Variants in UPF2 observed in about 807,000 individuals in gnomAD.
The protein encoded by UPF2 is regulator of nonsense transcripts 2.
A neutral mutation model predicts 141.4 loss-of-function variants in UPF2; 17 were observed. The observed-to-expected ratio is 0.12, with a 90% CI of 0.08 to 0.18. UPF2 has a LOEUF of 0.18. Among genes scored for constraint, UPF2 ranks in the 10% least tolerant of loss-of-function variants. The pLI, the probability that UPF2 is intolerant of heterozygous loss-of-function variation, is 1.00. For missense variants in UPF2, 1,152 were observed against 1,515.9 expected (o/e 0.76, Z 3.99); for synonymous variants, 540 against 498.0 (o/e 1.08, Z -1.12).
chr10:11,976,703 G>A (rs983031610), intron 9 of UPF2, among the ~76,000 whole-genome samples: 1 of 152,026 alleles, frequency 6.6e-6, no homozygotes, highest in African/African-American at 2.4e-5. Flanking sequence ...GCTGAAGGAA[G>A]AAAGCTGAGC....
intron 9 of UPF2, among the ~76,000 whole-genome samples, chr10:11,969,046 G>C (rs1229266824): frequency 6.6e-6 from 1 of 151,996 alleles, no homozygotes; most frequent in Non-Finnish European, 1.5e-5. Flanking sequence ...ATTTTTAGTA[G>C]AGATGGGGTT....
chr10:11,998,939 C>G lies in UPF2; in HGVS notation c.1758+967G>C, dbSNP rs933300700. Among the ~76,000 whole-genome samples, 3 of 150,096 alleles carry G rather than the reference C, an allele frequency of 2.0e-5. No individual in the cohort carries two copies. The Admixed American group carries it at 2.0e-4, about 10-fold the overall frequency. ...ACTCAGGAGGCTGAGGCAGGAGAAT[C>G]ACTTGAATCTGGGAGACAAAGGTTG... On this transcript the variant is annotated intron_variant, in intron 7 of 21. Transcript: ENST00000357604. This position sits in a 1 kb window ranked among gnomAD's most constrained non-coding sequence, Gnocchi z 4.5.
Position 12,014,272 on chromosome 10 carries a change from T to A in UPF2, c.1146-88A>T. On this transcript the variant is annotated intron_variant, in intron 3 of 21. Transcript: ENST00000357604. This position sits in a 1 kb window ranked among gnomAD's most constrained non-coding sequence, Gnocchi z 5.0. ...TATGGGAAACATTCCATAATTTGATTTTCTCATACAAATTTAGTAAAATCT... is the reference window on the plus strand; with the variant it reads ...TATGGGAAACATTCCATAATTTGATATTCTCATACAAATTTAGTAAAATCT... The A allele has an allele frequency of 2.4e-6, 3 of 1,226,040 alleles. No individual in the cohort carries two copies. Among genetic ancestry groups the A allele is most frequent in the East Asian group, 5.8e-5 (2 of 34,578 alleles). 75.9% of individuals were successfully genotyped at this position (1,226,040 alleles called of 1,614,324 possible). A position where few individuals can be genotyped will look rare whatever the true frequency, so the allele number is the denominator to read the frequency against.
At chr10:12,031,102 A>T (rs1834514028) in intron 2 of UPF2, among the ~76,000 whole-genome samples, 1 of 138,522 alleles carries the variant, frequency 7.2e-6, no homozygotes, top group South Asian at 2.4e-4. Context: ...TGAACCCGGG[A>T]GGCGGAGCTT....
chr10:11,977,264 T>C (rs1354742674), intron 9 of UPF2, among the ~76,000 whole-genome samples: 1 of 152,168 alleles, frequency 6.6e-6, no homozygotes, highest in African/African-American at 2.4e-5. Flanking sequence ...GATTTAAGGA[T>C]GTGAGTGGTG....
rs1034084141 is a variant in UPF2, at chr10:11,956,227, C to T, written c.2574+93G>A. ...CAGCTTTTTCTAACTAATAAATTTA[C>T]AGATTCCTATAACTTGAGTCTCAAT... On this transcript the variant is annotated intron_variant, in intron 13 of 21. Transcript: ENST00000357604. This position sits in a 1 kb window ranked among gnomAD's most constrained non-coding sequence, Gnocchi z 4.2. 30 of 1,116,990 alleles carry T rather than the reference C, an allele frequency of 2.7e-5. No homozygotes were observed. The highest frequency in any genetic ancestry group is 3.8e-5 in the Non-Finnish European group (29 of 768,854). 69.2% of individuals were successfully genotyped at this position (1,116,990 alleles called of 1,614,324 possible).
At chr10:12,023,084 C>T (rs1834346566) in intron 3 of UPF2, among the ~76,000 whole-genome samples, 1 of 152,124 alleles carries the variant, frequency 6.6e-6, no homozygotes, top group South Asian at 2.1e-4. Context: ...TACCTGAATT[C>T]ATGATTTCAC....
At position 12,033,629 on chromosome 10, in the gene UPF2, A is replaced by T. The variant is rs76646023; in HGVS notation, c.365+1430T>A. Among the ~76,000 whole-genome samples the T allele has an allele frequency of 9.7e-3, 1,473 of 152,350 alleles. 23 individuals are homozygous for T. Among genetic ancestry groups the T allele is most frequent in the African/African-American group, 0.033 (1,388 of 41,574 alleles). On this transcript the variant is annotated intron_variant, in intron 2 of 21. Transcript: ENST00000357604. The stretch of plus-strand genomic sequence containing the variant: ...AAGCCTCATTTTAGAGATCAATAAA[A>T]TGAGGCTTAAAAAGGGTAAGTTGCC...
At chr10:11,942,877 T>G in intron 17 of UPF2, 114 bp from the exon 18 acceptor site, 1 of 946,912 alleles carries the variant, frequency 1.1e-6, no homozygotes, top group East Asian at 2.5e-5. Context: ...GTAAAGTGAG[T>G]AAAATATCTA....
At chr10:12,004,980 T>C (rs1039102864) in intron 4 of UPF2, among the ~76,000 whole-genome samples, 36 of 152,266 alleles carry the variant, frequency 2.4e-4, no homozygotes, top group African/African-American at 8.4e-4. Flanking sequence ...TTTTAAGCAA[T>C]TAATATGAGA....
In UPF2 at chr10:11,939,545, C is replaced by T. The variant is rs200829737; in HGVS notation, c.3379-2833G>A. On this transcript the variant is annotated intron_variant, in intron 18 of 21. Transcript: ENST00000357604. This position sits in a 1 kb window ranked among gnomAD's most constrained non-coding sequence, Gnocchi z 4.8. ...TTTTTTTTTTTAAGACGAAGTCTCGCTCTTGTCTCCCCCGGCTGGAGTGCA... is the reference window on the plus strand; with the variant it reads ...TTTTTTTTTTTAAGACGAAGTCTCGTTCTTGTCTCCCCCGGCTGGAGTGCA... Among the ~76,000 whole-genome samples the T allele has an allele frequency of 4.6e-5, 7 of 151,008 alleles. No homozygotes were observed. In the East Asian group the frequency reaches 1.4e-3, roughly 30 times the overall value.
intron 21 of UPF2, among the ~76,000 whole-genome samples, chr10:11,925,070 C>T (rs552246517): frequency 3.9e-5 from 6 of 152,214 alleles, no homozygotes; most frequent in East Asian, 3.9e-4. Context: ...CTGCCTTCCT[C>T]GGCCCCCCAA....
At chr10:12,030,852 C>CCAACCTGGTG (rs1834507627) in intron 2 of UPF2, among the ~76,000 whole-genome samples, 1 of 150,196 alleles carries the variant, frequency 6.7e-6, no homozygotes, top group Non-Finnish European at 1.5e-5. Flanking sequence ...CCACTGCACT[C>CCAACCTGGTG]CAACCTGTGT....
chr10:11,982,055 A>G (rs993941519), intron 8 of UPF2, among the ~76,000 whole-genome samples: 20 of 151,358 alleles, frequency 1.3e-4, no homozygotes, highest in Admixed American at 7.2e-4. Flanking sequence ...AAAAGCCTGG[A>G]GCAAATGAAT....
chr10:12,017,556 A>T (rs776019863), intron 3 of UPF2, among the ~76,000 whole-genome samples: 2 of 152,150 alleles, frequency 1.3e-5, no homozygotes, highest in Non-Finnish European at 2.9e-5. Flanking sequence ...ACCAACTAAA[A>T]CTTTAAAGCT....
At chr10:11,975,110 C>T (rs1207668388) in intron 9 of UPF2, among the ~76,000 whole-genome samples, 1 of 152,114 alleles carries the variant, frequency 6.6e-6, no homozygotes, top group Non-Finnish European at 1.5e-5. Context: ...AAAGTTGTCT[C>T]CCCAGTCAGG....
At chr10:11,967,480 T>A (rs751167287) in intron 9 of UPF2, 26 bp from the exon 10 acceptor site, 1 of 1,360,604 alleles carries the variant, frequency 7.3e-7, no homozygotes, top group African/African-American at 1.5e-5. Context: ...GAAAAGATAA[T>A]GCTTAATCAA....
chr10:12,021,388 A>G (rs2131296341), intron 3 of UPF2, among the ~76,000 whole-genome samples: 1 of 132,668 alleles, frequency 7.5e-6, no homozygotes, highest in East Asian at 2.7e-4. Flanking sequence ...AATTTTTTTA[A>G]ATTAGCCAGG....
Position 12,019,777 on chromosome 10 carries a change from G to A in UPF2, c.1146-5593C>T, listed in dbSNP as rs1834286114. On this transcript the variant is annotated intron_variant, in intron 3 of 21. Coordinates refer to ENST00000357604, the MANE Select transcript of UPF2 (RefSeq NM_015542.4). The surrounding 1 kb of genome is among the most constrained non-coding windows in gnomAD (Gnocchi z 4.5). ...CTCGCTCTGCTGCCCAGGCTGGAGTGTAGTGGTGCAATCTGAGCTCACTGC... is the reference window on the plus strand; with the variant it reads ...CTCGCTCTGCTGCCCAGGCTGGAGTATAGTGGTGCAATCTGAGCTCACTGC... 6.6e-6 allele frequency among the ~76,000 whole-genome samples: 1 copy of A among 152,138 alleles called. No individual in the cohort carries two copies. The highest frequency in any genetic ancestry group is 2.1e-4 in the South Asian group (1 of 4,834).
Sources: allele counts gnomAD v4.1 joint callset (sites outside exome capture counted in the v4.1 genomes callset), GRCh38; gene constraint gnomAD v4.1.1; non-coding constraint Gnocchi (gnomAD v3.1); transcripts MANE v1.5; gene names NCBI Gene and HGNC (gene_info 2026-07-23, HGNC 2026-07-21).